Variants in MBD5 observed in about 807,000 individuals in gnomAD.
MBD5 encodes methyl-CpG binding domain protein 5.
In MBD5, 13 loss-of-function variants were observed where a neutral mutation model predicts 117.3. The ratio of observed to expected loss-of-function variants is 0.11; its 90% CI spans 0.07 to 0.18. The LOEUF is 0.18. MBD5 is among the 10% of genes least tolerant of loss of function. The pLI is 1.00. For missense variants in MBD5, 1,879 were observed against 2,093.8 expected (o/e 0.90, Z 2.00); for synonymous variants, 727 against 766.4 (o/e 0.95, Z 0.85).
intron 3 of MBD5, among the ~76,000 whole-genome samples, chr2:148,271,904 A>G (rs978473565): frequency 6.6e-6 from 1 of 152,168 alleles, no homozygotes; most frequent in Non-Finnish European, 1.5e-5. Context: ...TCTCCTGTCC[A>G]GCTGAAATTC....
At chr2:148,200,918 TTCA>T (rs761368412) in intron 2 of MBD5, among the ~76,000 whole-genome samples, 2 of 152,202 alleles carry the variant, frequency 1.3e-5, no homozygotes, top group Non-Finnish European at 2.9e-5. Context: ...TTTTTTAAAA[TTCA>T]TCATTGGAAA....
chr2:148,279,004 A>G (rs1213916321), intron 3 of MBD5, among the ~76,000 whole-genome samples: 2 of 152,130 alleles, frequency 1.3e-5, no homozygotes, highest in African/African-American at 4.8e-5. Flanking sequence ...TTTGTTCCAT[A>G]TGGTCCCCCA....
intron 1 of MBD5, among the ~76,000 whole-genome samples, chr2:148,156,497 CT>C (rs1558951186): frequency 6.6e-6 from 1 of 152,206 alleles, no homozygotes; most frequent in Non-Finnish European, 1.5e-5. Context: ...GAATCTTTTC[CT>C]GAAAATTCAA....
chr2:148,023,889 A>G (rs1165750629), intron 1 of MBD5, among the ~76,000 whole-genome samples: 2 of 151,966 alleles, frequency 1.3e-5, no homozygotes, highest in African/African-American at 4.8e-5. Context: ...AACCTTTTTA[A>G]GTATTAAGAA....
In MBD5 at chr2:148,423,303, CT is replaced by C. The variant is rs939600486; in HGVS notation, c.-556-34890del. On this transcript the variant is annotated intron_variant, in intron 4 of 13. Transcript: ENST00000642680. The stretch of plus-strand genomic sequence containing the variant: ...AAGCATTCTTAAAGAAAAGAATTTT[CT>C]TTTTTTTTTAAAGGCTAAAATATTT... Among the ~76,000 whole-genome samples the C allele has an allele frequency of 9.0e-3, 1,345 of 148,742 alleles. 22 individuals are homozygous for C. The highest frequency in any genetic ancestry group is 0.031 in the African/African-American group (1,254 of 40,592).
At chr2:148,282,918 A>G (rs917526426) in intron 3 of MBD5, among the ~76,000 whole-genome samples, 2 of 127,820 alleles carry the variant, frequency 1.6e-5, no homozygotes, top group Non-Finnish European at 1.6e-5. Context: ...CATCAGATGC[A>G]ATTATTAGTT....
intron 3 of MBD5, among the ~76,000 whole-genome samples, chr2:148,322,705 C>A (rs1021714301): frequency 1.3e-5 from 2 of 152,126 alleles, no homozygotes; most frequent in Non-Finnish European, 2.9e-5. Context: ...ATTTTGAACA[C>A]ACATGTTAGT....
intron 1 of MBD5, among the ~76,000 whole-genome samples, chr2:148,106,196 AC>A (rs1424992473): frequency 1.3e-5 from 2 of 151,998 alleles, no homozygotes; most frequent in African/African-American, 2.4e-5. Context: ...TGTCTTCTTT[AC>A]CTTTCAATTA....
At chr2:148,213,141 C>T (rs1039075019) in intron 2 of MBD5, among the ~76,000 whole-genome samples, 5 of 152,130 alleles carry the variant, frequency 3.3e-5, no homozygotes, top group African/African-American at 9.7e-5. Context: ...AAGAGTTGTA[C>T]TCATCTCTTA....
intron 4 of MBD5, among the ~76,000 whole-genome samples, chr2:148,451,826 C>T (rs1019343809): frequency 1.3e-5 from 2 of 152,024 alleles, no homozygotes; most frequent in African/African-American, 4.8e-5. Context: ...TTAAATATTC[C>T]ATAAGCTAAG....
chr2:148,489,554 C>T lies in MBD5; in HGVS notation c.3922C>T (p.Leu1308Phe). ...PSLGQQVKDG[L>F]VVGGPGDASV... ...TCTTGGTCAACAGGTGAAGGATGGC[C>T]TCGTTGTGGGTGGCCCAGGTGATGC... The change falls in exon 11 of 14, where the codon CTC (leucine) becomes TTC (phenylalanine). Residue 1308 changes from leucine (L) to phenylalanine (F), a missense_variant. Leu to Phe is a conservative substitution (Grantham distance 22). Around this residue, in one of 4 missense-constraint regions of MBD5, gnomAD observed 1,666 missense variants for 1,792.2 expected, o/e 0.93. Coordinates refer to ENST00000642680, the MANE Select transcript of MBD5 (RefSeq NM_001378120.1). The T allele has an allele frequency of 6.2e-7, 1 of 1,614,148 alleles. No individual in the cohort carries two copies. The highest frequency in any genetic ancestry group is 1.1e-5 in the South Asian group (1 of 91,080).
intron 1 of MBD5, among the ~76,000 whole-genome samples, chr2:148,137,831 A>G (rs570933912): frequency 9.8e-5 from 15 of 152,346 alleles, no homozygotes; most frequent in African/African-American, 3.4e-4. Context: ...AAAATTGCCT[A>G]CAGTATTCAG....
chr2:148,253,193 A>G (rs1248609881), intron 3 of MBD5, among the ~76,000 whole-genome samples: 1 of 152,204 alleles, frequency 6.6e-6, no homozygotes, highest in African/African-American at 2.4e-5. Flanking sequence ...TAACACCATC[A>G]TCTTCACTAC....
intron 11 of MBD5, among the ~76,000 whole-genome samples, chr2:148,497,272 A>AT (rs1250264878): frequency 3.9e-5 from 6 of 152,116 alleles, no homozygotes; most frequent in Non-Finnish European, 5.9e-5. Flanking sequence ...ACTAGGCACT[A>AT]TTCAAGCCAC....
At chr2:148,232,164 A>C (rs1468517502) in intron 2 of MBD5, among the ~76,000 whole-genome samples, 1 of 152,228 alleles carries the variant, frequency 6.6e-6, no homozygotes, top group Non-Finnish European at 1.5e-5. Context: ...GAAGAACATG[A>C]AGGCCACTAA....
At chr2:148,359,480 A>G (rs924948983) in intron 4 of MBD5, among the ~76,000 whole-genome samples, 4 of 152,140 alleles carry the variant, frequency 2.6e-5, no homozygotes, top group African/African-American at 9.7e-5. Flanking sequence ...TCCTCCTACT[A>G]TATGAAAATT....
At chr2:148,416,554 T>C (rs757718727) in intron 4 of MBD5, among the ~76,000 whole-genome samples, 5 of 152,198 alleles carry the variant, frequency 3.3e-5, no homozygotes. Context: ...AGTGTAAATA[T>C]TTATGTAGTC....
chr2:148,505,899 G>A (rs1682016846), intron 12 of MBD5, among the ~76,000 whole-genome samples: 1 of 151,994 alleles, frequency 6.6e-6, no homozygotes, highest in Non-Finnish European at 1.5e-5. Context: ...AATCTCCCTG[G>A]GCCTAAATTC....
intron 1 of MBD5, among the ~76,000 whole-genome samples, chr2:148,048,549 A>C (rs1040896262): frequency 6.6e-6 from 1 of 152,124 alleles, no homozygotes; most frequent in Non-Finnish European, 1.5e-5. Context: ...GGACATTAGC[A>C]AAGTCTTCTT....
Sources: gnomAD v4.1 joint callset for allele counts (sites outside exome capture counted in the v4.1 genomes callset) on GRCh38, gnomAD v4.1.1 for gene constraint, gnomAD v4.1.1 regional missense constraint, MANE v1.5 for transcripts, NCBI Gene and HGNC (gene_info 2026-07-23, HGNC 2026-07-21) for gene names.